AFF3: variants seen among roughly 807,000 people sequenced by gnomAD.
AFF3 encodes AF4/FMR2 family member 3.
A neutral mutation model predicts 129.7 loss-of-function variants in AFF3; 32 were observed. The observed-to-expected ratio is 0.25, with a 90% CI of 0.19 to 0.33. The LOEUF is 0.33. Among genes scored for constraint, AFF3 ranks in the 10% least tolerant of loss-of-function variants. AFF3 has a pLI of 1.00. For missense variants in AFF3, 1,373 were observed against 1,592.0 expected (o/e 0.86, Z 2.34); for synonymous variants, 644 against 635.4 (o/e 1.01, Z -0.20).
intron 11 of AFF3, among the ~76,000 whole-genome samples, chr2:99,697,196 A>G (rs1676373575): frequency 6.6e-6 from 1 of 152,236 alleles, no homozygotes; most frequent in African/African-American, 2.4e-5. Context: ...GGCGTGTTTT[A>G]CAAGAGTTCC....
intron 4 of AFF3, among the ~76,000 whole-genome samples, chr2:100,031,884 CA>C (rs1462708452): frequency 5.3e-5 from 8 of 152,158 alleles, no homozygotes; most frequent in African/African-American, 1.9e-4. Flanking sequence ...GTAGATATTC[CA>C]AGCTTAAGGA....
chr2:99,747,120 C>A (rs1298302938), intron 9 of AFF3, among the ~76,000 whole-genome samples: 1 of 152,126 alleles, frequency 6.6e-6, no homozygotes, highest in Non-Finnish European at 1.5e-5. Flanking sequence ...CCTCCGCCTC[C>A]CAGGTTCAAG....
chr2:99,710,290 A>G (rs1677779074), intron 11 of AFF3, among the ~76,000 whole-genome samples: 1 of 152,070 alleles, frequency 6.6e-6, no homozygotes, highest in Admixed American at 6.6e-5. Context: ...CAGAGTCTCT[A>G]TTGTCCAGGC....
chr2:100,129,987 A>G (rs1030631657), intron 1 of AFF3, among the ~76,000 whole-genome samples: 3 of 152,172 alleles, frequency 2.0e-5, no homozygotes, highest in African/African-American at 4.8e-5. Context: ...CGTGGCCTCT[A>G]TGTAGTCCTG....
Position 99,672,517 on chromosome 2 carries a change from TGAC to T in AFF3, c.1143+18_1143+20del. ...TACCAGTGTCACCTCCAAAGGATGA[TGAC>T]ATAAAAGAGAATCTTACCTGTTCAT... On this transcript the variant is annotated intron_variant, in intron 12 of 24. Transcript: ENST00000672756. The T allele has an allele frequency of 6.2e-7, 1 of 1,612,538 alleles. No homozygotes were observed.
At chr2:99,936,293 G>A (rs72953776) in intron 7 of AFF3, among the ~76,000 whole-genome samples, 5,030 of 152,174 alleles carry the variant, frequency 0.033, 272 homozygotes, top group African/African-American at 0.11. Context: ...GGCTATGTGG[G>A]CAGGAATCCC....
At chr2:100,073,024 T>C (rs1451768110) in intron 4 of AFF3, among the ~76,000 whole-genome samples, 2 of 152,200 alleles carry the variant, frequency 1.3e-5, no homozygotes, top group African/African-American at 2.4e-5. Context: ...GCCAACGCTG[T>C]GAGTGTCAAT....
chr2:99,856,272 A>G (rs866598416), intron 7 of AFF3, among the ~76,000 whole-genome samples: 3 of 152,200 alleles, frequency 2.0e-5, no homozygotes, highest in Non-Finnish European at 4.4e-5. Context: ...TGTTAACAAT[A>G]TGATTTAAAC....
Position 99,647,121 on chromosome 2 carries a change from A to G in AFF3, c.1184+2505T>C, listed in dbSNP as rs148796090. Among the ~76,000 whole-genome samples, 1,217 of 152,324 alleles carry G rather than the reference A, an allele frequency of 8.0e-3. 22 individuals carry two copies. Among genetic ancestry groups the G allele is most frequent in the African/African-American group, 0.028 (1,159 of 41,556 alleles). On this transcript the variant is annotated intron_variant, in intron 13 of 24. Transcript: ENST00000672756. ...TCTTCAAAGACCTAGAGGCAGAAAT[A>G]CCATTTGATCCAGCAATCCCATTAA...
At chr2:99,652,372 G>A (rs931162333) in intron 12 of AFF3, among the ~76,000 whole-genome samples, 4 of 152,080 alleles carry the variant, frequency 2.6e-5, no homozygotes, top group African/African-American at 9.7e-5. Context: ...GTAGTGTCTG[G>A]GGCCAGGGAT....
At chr2:100,053,955 T>C (rs1210184866) in intron 4 of AFF3, among the ~76,000 whole-genome samples, 2 of 152,160 alleles carry the variant, frequency 1.3e-5, no homozygotes, top group Non-Finnish European at 2.9e-5. Flanking sequence ...AATGGTCTCT[T>C]CAAAATCAAG....
At chr2:99,625,042 A>C (rs1477078367) in intron 13 of AFF3, among the ~76,000 whole-genome samples, 1 of 152,212 alleles carries the variant, frequency 6.6e-6, no homozygotes, top group African/African-American at 2.4e-5. Context: ...TGGAAGTGAG[A>C]TGCTTATTCT....
At chr2:99,877,724 T>C (rs1455781896) in intron 7 of AFF3, among the ~76,000 whole-genome samples, 4 of 152,274 alleles carry the variant, frequency 2.6e-5, no homozygotes. Context: ...TATATACTGC[T>C]TGTTTGTTAC....
At chr2:99,917,746 T>C (rs1340897143) in intron 7 of AFF3, among the ~76,000 whole-genome samples, 1 of 152,166 alleles carries the variant, frequency 6.6e-6, no homozygotes, top group Non-Finnish European at 1.5e-5. Flanking sequence ...TCATTAACAG[T>C]AGCCAGAATT....
At chr2:99,825,840 C>A (rs2105719100) in intron 8 of AFF3, among the ~76,000 whole-genome samples, 1 of 152,230 alleles carries the variant, frequency 6.6e-6, no homozygotes, top group East Asian at 1.9e-4. Context: ...GCCAATTGTA[C>A]AATGTGTTCT....
chr2:99,678,049 G>A (rs1020221981), intron 11 of AFF3, among the ~76,000 whole-genome samples: 3 of 152,230 alleles, frequency 2.0e-5, no homozygotes, highest in African/African-American at 7.2e-5. Context: ...CCTATCCACA[G>A]AAGGTGTACT....
intron 4 of AFF3, chr2:100,011,508 G>T: frequency 2.6e-6 from 2 of 781,040 alleles, no homozygotes; most frequent in Non-Finnish European, 4.8e-6. Flanking sequence ...TCCTGCATCT[G>T]CTGGCTGATG....
chr2:99,664,057 A>T (rs11123792), intron 12 of AFF3, among the ~76,000 whole-genome samples: 87,101 of 152,128 alleles, frequency 0.57, 25,556 homozygotes, highest in African/African-American at 0.7. Flanking sequence ...AAATTTTTTT[A>T]ATACTTACTG....
intron 7 of AFF3, among the ~76,000 whole-genome samples, chr2:99,874,625 T>C (rs745558371): frequency 1.4e-4 from 21 of 152,126 alleles, no homozygotes; most frequent in Non-Finnish European, 2.6e-4. Context: ...TTTTTTTGAC[T>C]AAAGAAACAG....
Sources: gnomAD v4.1 joint callset for allele counts (sites outside exome capture counted in the v4.1 genomes callset) on GRCh38, gnomAD v4.1.1 for gene constraint, MANE v1.5 for transcripts, NCBI Gene and HGNC (gene_info 2026-07-23, HGNC 2026-07-21) for gene names.